POR: variants seen among roughly 807,000 people sequenced by gnomAD.
The protein encoded by POR is NADPH--cytochrome P450 reductase.
POR carries 56 observed loss-of-function variants against 84.0 expected under a neutral mutation model. The ratio of observed to expected loss-of-function variants is 0.67; its 90% CI spans 0.54 to 0.83. The LOEUF is 0.83. Ranked by LOEUF, POR falls within the 40% of genes least tolerant of loss-of-function variation. The pLI, the probability that POR is intolerant of heterozygous loss-of-function variation, is 0.00. For synonymous variants in POR, 414 were observed against 400.5 expected (o/e 1.03, Z -0.40); for missense variants, 938 against 944.3 (o/e 0.99, Z 0.09).
At chr7:75,924,882 A>G (rs1224411917) in intron 1 of POR, among the ~76,000 whole-genome samples, 1 of 152,164 alleles carries the variant, frequency 6.6e-6, no homozygotes, top group Non-Finnish European at 1.5e-5. Context: ...GGACTGTGAT[A>G]AATCGTGTGC....
At chr7:75,949,743 C>T (rs974794418) in intron 1 of POR, among the ~76,000 whole-genome samples, 22 of 151,962 alleles carry the variant, frequency 1.4e-4, no homozygotes, top group African/African-American at 4.8e-4. Flanking sequence ...TGGTCTCAAA[C>T]GCCTGACCTC....
At chr7:75,923,615 C>T (rs1464283176) in intron 1 of POR, among the ~76,000 whole-genome samples, 4 of 152,126 alleles carry the variant, frequency 2.6e-5, no homozygotes, top group Non-Finnish European at 5.9e-5. Context: ...TGGCCGGGCC[C>T]GGTGGCTCAC....
intron 2 of POR, among the ~76,000 whole-genome samples, chr7:75,966,737 C>G (rs998383173): frequency 6.6e-6 from 1 of 152,216 alleles, no homozygotes; most frequent in African/African-American, 2.4e-5. Flanking sequence ...CCGCACATCT[C>G]GGTTCATCTC....
chr7:75,943,195 C>T (rs1362650560), intron 1 of POR, among the ~76,000 whole-genome samples: 1 of 152,190 alleles, frequency 6.6e-6, no homozygotes, highest in Non-Finnish European at 1.5e-5. Context: ...TTGTGATCCG[C>T]CTGCCTCGGC....
intron 1 of POR, among the ~76,000 whole-genome samples, chr7:75,952,599 C>A (rs1554553033): frequency 6.7e-6 from 1 of 150,368 alleles, no homozygotes; most frequent in Non-Finnish European, 1.5e-5. Context: ...CTCCTCACTT[C>A]TCAGACGGGG....
chr7:75,948,723 G>A (rs73363970), intron 1 of POR, among the ~76,000 whole-genome samples: 11,916 of 152,194 alleles, frequency 0.078, 1,460 homozygotes, highest in African/African-American at 0.26. Context: ...TCAACAAATC[G>A]ACATAAATGC....
At chr7:75,980,887 GC>G in intron 5 of POR, 160 bp from the exon 6 acceptor site, 1 of 1,079,100 alleles carries the variant, frequency 9.3e-7, no homozygotes, top group Non-Finnish European at 1.3e-6. Context: ...CTCTTCAGTG[GC>G]CCAGTGTTCC....
At chr7:75,983,205 G>A (rs1554558384) in intron 8 of POR, 2 of 266,720 alleles carry the variant, frequency 7.5e-6, no homozygotes, top group African/African-American at 4.5e-5. Context: ...ACCAGGCATG[G>A]TGGCGAATGC....
rs782572914 is a variant in POR, at chr7:75,954,112, C to T, written c.120C>T (p.Leu40=). Residue 40 remains leucine (L), a synonymous_variant, in exon 2 of 16, where the codon CTC becomes CTT. Coordinates refer to ENST00000461988, the MANE Select transcript of POR (RefSeq NM_000941.3). ...TTCTGTTTTCGCTCATCGTGGGTCT[C>T]CTAACCTACTGGTTCCTCTTCAGAA... is the stretch of plus-strand genomic sequence containing the variant. 1.2e-6 allele frequency: 2 copies of T among 1,613,488 alleles called. No individual in the cohort carries two copies. Among genetic ancestry groups the T allele is most frequent in the East Asian group, 2.2e-5 (1 of 44,868 alleles).
At chr7:75,968,695 A>G (rs1024630750) in intron 2 of POR, among the ~76,000 whole-genome samples, 1 of 152,196 alleles carries the variant, frequency 6.6e-6, no homozygotes, top group Admixed American at 6.5e-5. Flanking sequence ...GTCCGCCTCC[A>G]GCTCCTTGGG....
intron 7 of POR, 186 bp from the exon 8 acceptor site, chr7:75,982,038 G>A (rs1022746612): frequency 2.0e-5 from 12 of 607,412 alleles, no homozygotes; most frequent in African/African-American, 1.1e-4. Context: ...GCTCCACGCC[G>A]CCTCCCTCCT....
intron 1 of POR, among the ~76,000 whole-genome samples, chr7:75,934,813 A>G (rs1288893078): frequency 6.6e-6 from 1 of 152,206 alleles, no homozygotes; most frequent in African/African-American, 2.4e-5. Flanking sequence ...GGCCGCTTCA[A>G]TGTGGTGGTG....
intron 8 of POR, 42 bp from the exon 9 acceptor site, chr7:75,983,478 A>G (rs551142074): frequency 6.9e-7 from 1 of 1,445,598 alleles, no homozygotes; most frequent in Non-Finnish European, 9.7e-7. Flanking sequence ...GACTCAGATC[A>G]AAGCCCCGGC....
intron 3 of POR, 110 bp downstream of exon 3, chr7:75,972,571 C>A: frequency 9.2e-7 from 1 of 1,086,254 alleles, no homozygotes; most frequent in Non-Finnish European, 1.4e-6. Context: ...TCCCGGTGGC[C>A]AGGAGAGGGA....
chr7:75,959,454 CATTT>C (rs1244012386), intron 2 of POR, among the ~76,000 whole-genome samples: 1 of 152,072 alleles, frequency 6.6e-6, no homozygotes, highest in Non-Finnish European at 1.5e-5. Flanking sequence ...CTAGAATTGG[CATTT>C]ATTTATTTTG....
intron 1 of POR, among the ~76,000 whole-genome samples, chr7:75,952,436 G>A (rs1554553000): frequency 1.4e-5 from 2 of 144,808 alleles, no homozygotes; most frequent in Admixed American, 6.8e-5. Flanking sequence ...CCTCCCTCCC[G>A]GACGGAGCGG....
Position 75,986,599 on chromosome 7 carries a change from CAA to C in POR, c.*120_*121del, listed in dbSNP as rs535213165. The C allele has an allele frequency of 1.4e-5, 18 of 1,302,434 alleles. No individual in the cohort carries two copies. Among genetic ancestry groups the C allele is most frequent in the Non-Finnish European group, 1.9e-5 (18 of 955,152 alleles). The allele number at this position is 1,302,434 out of a possible 1,614,324, so 80.7% of individuals were successfully genotyped here. A position where few individuals can be genotyped will look rare whatever the true frequency, so the allele number is the denominator to read the frequency against. ...CTTGGCATGGGCGCAGGCCCAGTGA[CAA>C]AGACTCCTCTGGGCCTGGGGTGCAT... On this transcript the variant is annotated 3_prime_UTR_variant, in exon 16 of 16. Coordinates refer to ENST00000461988, the MANE Select transcript of POR (RefSeq NM_000941.3).
intron 1 of POR, among the ~76,000 whole-genome samples, chr7:75,930,940 A>C (rs182867195): frequency 1.3e-5 from 2 of 152,294 alleles, no homozygotes; most frequent in East Asian, 1.9e-4. Context: ...CTCTAACCTC[A>C]GCCTCCTGAG....
At chr7:75,959,871 C>A (rs1787859101) in intron 2 of POR, among the ~76,000 whole-genome samples, 1 of 152,182 alleles carries the variant, frequency 6.6e-6, no homozygotes, top group Non-Finnish European at 1.5e-5. Context: ...ATTCCATGAA[C>A]ATTGTTTTAT....
Sources: gnomAD v4.1 joint callset for allele counts (sites outside exome capture counted in the v4.1 genomes callset) on GRCh38, gnomAD v4.1.1 for gene constraint, MANE v1.5 for transcripts, NCBI Gene and HGNC (gene_info 2026-07-23, HGNC 2026-07-21) for gene names.